CDK14: variants seen among roughly 807,000 people sequenced by gnomAD.
The protein encoded by CDK14 is cyclin-dependent kinase 14.
In CDK14, 34 loss-of-function variants were observed where a neutral mutation model predicts 60.7. That is an observed-to-expected ratio of 0.56 (90% CI 0.43 to 0.75). The LOEUF (loss-of-function observed/expected upper bound fraction) is 0.75. CDK14 is among the 30% of genes least tolerant of loss of function. The probability of loss-of-function intolerance (pLI) is 0.00; values close to 1 mark genes in which losing one functional copy is unlikely to be tolerated. For missense variants in CDK14, 482 were observed against 564.1 expected (o/e 0.85, Z 1.47); for synonymous variants, 197 against 203.7 (o/e 0.97, Z 0.28).
chr7:90,911,025 G>T, intron 7 of CDK14, among the ~76,000 whole-genome samples: 1 of 152,140 alleles, frequency 6.6e-6, no homozygotes, highest in Non-Finnish European at 1.5e-5. Flanking sequence ...TAAGTGAGAA[G>T]ATGTGGTATT....
At chr7:90,617,782 G>C (rs1799684627) in intron 2 of CDK14, among the ~76,000 whole-genome samples, 1 of 152,104 alleles carries the variant, frequency 6.6e-6, no homozygotes, top group South Asian at 2.1e-4. Context: ...ATGTAAACTT[G>C]ATCCTTCGGG....
intron 2 of CDK14, among the ~76,000 whole-genome samples, chr7:90,611,234 C>A (rs1799532586): frequency 6.6e-6 from 1 of 152,202 alleles, no homozygotes; most frequent in South Asian, 2.1e-4. Context: ...TCCATAACTT[C>A]AGCCTTCTGT....
chr7:90,891,712 C>T (rs1291106235), intron 6 of CDK14, among the ~76,000 whole-genome samples: 1 of 152,186 alleles, frequency 6.6e-6, no homozygotes, highest in East Asian at 1.9e-4. Flanking sequence ...AAAACTAGGG[C>T]TATGCTATTT....
At chr7:90,937,302 A>G (rs1793785809) in intron 8 of CDK14, among the ~76,000 whole-genome samples, 1 of 152,164 alleles carries the variant, frequency 6.6e-6, no homozygotes, top group South Asian at 2.1e-4. Context: ...TTATTATCCA[A>G]CTATAAAAAT....
At chr7:90,833,700 T>A (rs1562791271) in intron 5 of CDK14, among the ~76,000 whole-genome samples, 1 of 152,214 alleles carries the variant, frequency 6.6e-6, no homozygotes, top group Non-Finnish European at 1.5e-5. Context: ...TTTATTTTAG[T>A]GTATGAATCA....
intron 2 of CDK14, among the ~76,000 whole-genome samples, chr7:90,701,429 T>A (rs928188027): frequency 6.6e-6 from 1 of 152,206 alleles, no homozygotes; most frequent in African/African-American, 2.4e-5. Context: ...AAAATGTTAA[T>A]ATAATAATAC....
intron 11 of CDK14, among the ~76,000 whole-genome samples, chr7:91,069,506 A>C (rs1469206406): frequency 6.6e-6 from 1 of 152,146 alleles, no homozygotes; most frequent in Non-Finnish European, 1.5e-5. Context: ...GTGCCACTGC[A>C]CTCCATCCAG....
chr7:90,682,024 T>TCA (rs1801327830), intron 2 of CDK14, among the ~76,000 whole-genome samples: 1 of 152,226 alleles, frequency 6.6e-6, no homozygotes, highest in South Asian at 2.1e-4. Context: ...ACTAGTGGTA[T>TCA]CCACTGCATT....
chr7:90,907,540 G>A (rs1224119747), intron 7 of CDK14, among the ~76,000 whole-genome samples: 1 of 151,948 alleles, frequency 6.6e-6, no homozygotes, highest in Non-Finnish European at 1.5e-5. Context: ...ATCTTCCTGT[G>A]TTTTTATGTA....
chr7:91,114,326 A>T (rs1053371238), intron 13 of CDK14, among the ~76,000 whole-genome samples: 1 of 152,160 alleles, frequency 6.6e-6, no homozygotes, highest in South Asian at 2.1e-4. Flanking sequence ...TCCAGTTTCT[A>T]TCAGTGAGTA....
chr7:90,867,232 A>T (rs1445235334), intron 6 of CDK14, among the ~76,000 whole-genome samples: 2 of 152,178 alleles, frequency 1.3e-5, no homozygotes, highest in Non-Finnish European at 2.9e-5. Context: ...TTCCCTATAC[A>T]GGTTTAAGAC....
intron 2 of CDK14, among the ~76,000 whole-genome samples, chr7:90,628,376 C>A (rs1412638606): frequency 6.6e-6 from 1 of 152,202 alleles, no homozygotes; most frequent in Non-Finnish European, 1.5e-5. Flanking sequence ...TCCAGGACTC[C>A]TCAATCACTT....
At chr7:90,873,794 C>T (rs937758775) in intron 6 of CDK14, among the ~76,000 whole-genome samples, 7 of 152,106 alleles carry the variant, frequency 4.6e-5, no homozygotes, top group Admixed American at 6.5e-5. Flanking sequence ...GCATAATCTA[C>T]TGATTCCTAC....
rs182957466 is a variant in CDK14, at chr7:90,734,943, A to G, written c.369+8131A>G. On this transcript the variant is annotated intron_variant, in intron 3 of 14. Coordinates refer to ENST00000380050, the MANE Select transcript of CDK14 (RefSeq NM_001287135.2). ...TTTGCGCTGGTTTCTCCCCATCTTCATGGATTTACCTACCTTTGGTCTTTG... is the reference window on the plus strand; with the variant it reads ...TTTGCGCTGGTTTCTCCCCATCTTCGTGGATTTACCTACCTTTGGTCTTTG... 9.9e-5 allele frequency among the ~76,000 whole-genome samples: 15 copies of G among 151,962 alleles called. No individual in the cohort carries two copies. The East Asian group carries it at 2.7e-3, about 27-fold the overall frequency.
At chr7:90,838,595 T>C (rs903130850) in intron 5 of CDK14, among the ~76,000 whole-genome samples, 1 of 152,134 alleles carries the variant, frequency 6.6e-6, no homozygotes, top group Non-Finnish European at 1.5e-5. Context: ...ATTAATACCC[T>C]GGGAAAGGAA....
chr7:90,691,362 TC>T (rs1260371937), intron 2 of CDK14, among the ~76,000 whole-genome samples: 3 of 152,034 alleles, frequency 2.0e-5, no homozygotes, highest in African/African-American at 7.2e-5. Flanking sequence ...AATAGGATGG[TC>T]AGGGAAGACT....
intron 5 of CDK14, among the ~76,000 whole-genome samples, chr7:90,822,938 C>T (rs79011981): frequency 0.012 from 1,793 of 152,186 alleles, 46 homozygotes; most frequent in African/African-American, 0.041. Context: ...TTTGTGCTTC[C>T]TTGTATGTAT....
intron 5 of CDK14, among the ~76,000 whole-genome samples, chr7:90,825,522 T>C (rs1789693024): frequency 6.6e-6 from 1 of 152,240 alleles, no homozygotes; most frequent in Non-Finnish European, 1.5e-5. Flanking sequence ...ATTTATATCT[T>C]ACTTAGAGTG....
intron 14 of CDK14, among the ~76,000 whole-genome samples, chr7:91,164,045 A>C (rs952501394): frequency 6.6e-6 from 1 of 152,182 alleles, no homozygotes; most frequent in African/African-American, 2.4e-5. Flanking sequence ...GTTGGATTTA[A>C]AACATCCACC....
Sources: gnomAD v4.1 joint callset for allele counts (sites outside exome capture counted in the v4.1 genomes callset) on GRCh38, gnomAD v4.1.1 for gene constraint, MANE v1.5 for transcripts, NCBI Gene and HGNC (gene_info 2026-07-23, HGNC 2026-07-21) for gene names.